Variants in ZMAT4 observed in about 807,000 individuals in gnomAD.
ZMAT4 encodes zinc finger matrin-type protein 4.
In ZMAT4, 17 loss-of-function variants were observed where a neutral mutation model predicts 28.7. The observed-to-expected ratio is 0.59, with a 90% CI of 0.41 to 0.89. The LOEUF (loss-of-function observed/expected upper bound fraction) is 0.89, where lower values mean the gene tolerates loss of function less well. Ranked by LOEUF, ZMAT4 falls within the 40% of genes least tolerant of loss-of-function variation. ZMAT4 has a pLI of 0.00. For synonymous variants in ZMAT4, 117 were observed against 109.2 expected, an observed-to-expected ratio of 1.07 and a Z score of -0.44; for missense variants, 240 against 283.8, an observed-to-expected ratio of 0.85 and a Z score of 1.11.
At chr8:40,774,218 A>G (rs2150566752) in intron 2 of ZMAT4, among the ~76,000 whole-genome samples, 1 of 152,312 alleles carries the variant, frequency 6.6e-6, no homozygotes, top group African/African-American at 2.4e-5. Flanking sequence ...ATTAAAATAG[A>G]CAAAGGATAG....
rs1317213759 is a variant in ZMAT4 at position 40,797,205 on chromosome 8, C to G, written c.102+28370G>C. Among the ~76,000 whole-genome samples, 7 of 152,314 alleles carry G rather than the reference C, an allele frequency of 4.6e-5. No homozygotes were observed. In the East Asian group the frequency reaches 1.4e-3, roughly 29 times the overall value. Reference sequence around the variant, plus strand: ...TGTGAATCCGGGCCTGTCCACCACACCACATCCTACTCCACTAGCCACTAA... The same window carrying G: ...TGTGAATCCGGGCCTGTCCACCACAGCACATCCTACTCCACTAGCCACTAA... On this transcript the variant is annotated intron_variant, in intron 2 of 6. Transcript: ENST00000297737.
In ZMAT4 at chr8:40,692,776, G is replaced by A. The variant is rs576847513; in HGVS notation, c.349+4469C>T. Among the ~76,000 whole-genome samples, 6 of 152,278 alleles carry A rather than the reference G, an allele frequency of 3.9e-5. No homozygotes were observed. In the South Asian group the frequency reaches 1.2e-3, roughly 32 times the overall value. On this transcript the variant is annotated intron_variant, in intron 4 of 6. Coordinates refer to ENST00000297737, the MANE Select transcript of ZMAT4 (RefSeq NM_024645.3). ...TTTAAGGATTTTCTTCCATACATCA[G>A]ATTTCCTCTCATTCATATTTTCTCC...
intron 1 of ZMAT4, among the ~76,000 whole-genome samples, chr8:40,830,366 C>T (rs753942293): frequency 3.9e-5 from 6 of 152,178 alleles, no homozygotes; most frequent in African/African-American, 1.4e-4. Context: ...CAGTGTCCTT[C>T]TCTCCACCTT....
rs568308421 is a variant in ZMAT4 at position 40,897,379 on chromosome 8, C to A, written c.-5+304G>T. Among the ~76,000 whole-genome samples, 28 of 152,242 alleles carry A rather than the reference C, an allele frequency of 1.8e-4. No homozygotes were observed. The South Asian group carries it at 5.8e-3, about 32-fold the overall frequency. On this transcript the variant is annotated intron_variant, in intron 1 of 6. Transcript: ENST00000297737. ...AACAGCACACCCTGGGATCCAACTT[C>A]TTTCACCCAGCACACCCGAATCTCC... is the stretch of plus-strand genomic sequence containing the variant.
chr8:40,847,422 C>G (rs893808264), intron 1 of ZMAT4, among the ~76,000 whole-genome samples: 5 of 152,216 alleles, frequency 3.3e-5, no homozygotes, highest in Non-Finnish European at 7.3e-5. Flanking sequence ...TGGCATTGTT[C>G]TTGCCTCCTT....
intron 1 of ZMAT4, among the ~76,000 whole-genome samples, chr8:40,867,659 G>T (rs1817722456): frequency 6.6e-6 from 1 of 152,140 alleles, no homozygotes; most frequent in Non-Finnish European, 1.5e-5. Flanking sequence ...GTCCCTGGAA[G>T]TCTCCTTCTC....
At chr8:40,696,546 G>T (rs1489906542) in intron 4 of ZMAT4, among the ~76,000 whole-genome samples, 1 of 152,108 alleles carries the variant, frequency 6.6e-6, no homozygotes, top group Non-Finnish European at 1.5e-5. Context: ...AATTATAACA[G>T]TGTTTTAGTT....
intron 3 of ZMAT4, among the ~76,000 whole-genome samples, chr8:40,744,479 A>C (rs1259161322): frequency 6.6e-6 from 1 of 152,180 alleles, no homozygotes; most frequent in Non-Finnish European, 1.5e-5. Flanking sequence ...TTAAATAAAT[A>C]TTAAGAAATG....
chr8:40,824,692 A>G (rs981039763), intron 2 of ZMAT4, among the ~76,000 whole-genome samples: 5 of 149,574 alleles, frequency 3.3e-5, no homozygotes, highest in Non-Finnish European at 7.4e-5. Flanking sequence ...AAAGAAAAAT[A>G]AAGAAAGAAA....
At chr8:40,815,453 G>A (rs1249809880) in intron 2 of ZMAT4, among the ~76,000 whole-genome samples, 1 of 152,128 alleles carries the variant, frequency 6.6e-6, no homozygotes, top group African/African-American at 2.4e-5. Flanking sequence ...CTCAAAAGAG[G>A]AATGGCTTTT....
At chr8:40,582,259 G>T (rs1804490413) in intron 5 of ZMAT4, among the ~76,000 whole-genome samples, 1 of 152,138 alleles carries the variant, frequency 6.6e-6, no homozygotes, top group African/African-American at 2.4e-5. Context: ...CCAATGATTT[G>T]GGAGGCCGAG....
intron 5 of ZMAT4, among the ~76,000 whole-genome samples, chr8:40,668,648 T>C (rs186173271): frequency 6.6e-6 from 1 of 152,212 alleles, no homozygotes; most frequent in Non-Finnish European, 1.5e-5. Flanking sequence ...AGGCTAACTC[T>C]ACTGTTTTGT....
At chr8:40,546,572 T>G (rs2118403213) in intron 6 of ZMAT4, among the ~76,000 whole-genome samples, 1 of 152,306 alleles carries the variant, frequency 6.6e-6, no homozygotes, top group Non-Finnish European at 1.5e-5. Context: ...AAGAAAATCC[T>G]TTTTGTTGAC....
At chr8:40,746,395 G>A (rs1327895886) in intron 3 of ZMAT4, among the ~76,000 whole-genome samples, 1 of 92,536 alleles carries the variant, frequency 1.1e-5, no homozygotes, top group African/African-American at 4.1e-5. Context: ...TGACAGTCTC[G>A]CTCTCTTGCC....
At chr8:40,820,511 T>G (rs1322338672) in intron 2 of ZMAT4, among the ~76,000 whole-genome samples, 1 of 150,722 alleles carries the variant, frequency 6.6e-6, no homozygotes, top group East Asian at 2.0e-4. Flanking sequence ...TATGTGTGTA[T>G]TGGTGTGTAT....
chr8:40,569,535 G>A (rs916537706), intron 6 of ZMAT4, among the ~76,000 whole-genome samples: 6 of 152,198 alleles, frequency 3.9e-5, no homozygotes, highest in African/African-American at 1.4e-4. Flanking sequence ...GCTCAGAGGA[G>A]AAGCCAGGAT....
intron 3 of ZMAT4, among the ~76,000 whole-genome samples, chr8:40,705,804 A>G (rs1345342300): frequency 1.3e-5 from 2 of 152,208 alleles, no homozygotes; most frequent in Admixed American, 1.3e-4. Flanking sequence ...ACCATGCTGT[A>G]CAATAGCTCT....
chr8:40,738,227 A>G (rs1811857904), intron 3 of ZMAT4, among the ~76,000 whole-genome samples: 1 of 152,038 alleles, frequency 6.6e-6, no homozygotes, highest in South Asian at 2.1e-4. Flanking sequence ...GTTGGATTGC[A>G]GTGGAGACAA....
At chr8:40,713,918 A>G (rs1301347399) in intron 3 of ZMAT4, among the ~76,000 whole-genome samples, 2 of 148,950 alleles carry the variant, frequency 1.3e-5, no homozygotes, top group Admixed American at 1.3e-4. Flanking sequence ...TCAAAAACAA[A>G]ACCAAAAAAA....
Sources: allele counts gnomAD v4.1 joint callset (sites outside exome capture counted in the v4.1 genomes callset), GRCh38; gene constraint gnomAD v4.1.1; transcripts MANE v1.5; gene names NCBI Gene and HGNC (gene_info 2026-07-23, HGNC 2026-07-21).